Variants in ESRRG observed in about 807,000 individuals in gnomAD.
ESRRG encodes the protein estrogen-related receptor gamma.
In ESRRG, 13 loss-of-function variants were observed where a neutral mutation model predicts 44.0. The ratio of observed to expected loss-of-function variants is 0.30; its 90% confidence interval spans 0.19 to 0.47. The LOEUF (loss-of-function observed/expected upper bound fraction) is 0.47, where lower values mean the gene tolerates loss of function less well. ESRRG is among the 20% of genes least tolerant of loss of function. ESRRG has a pLI of 1.00. For missense variants in ESRRG, 395 were observed against 580.6 expected (o/e 0.68, Z 3.29); for synonymous variants, 215 against 214.6 (o/e 1.00, Z -0.02).
chr1:216,788,355 T>C (rs1285219545), intron 2 of ESRRG, among the ~76,000 whole-genome samples: 1 of 152,058 alleles, frequency 6.6e-6, no homozygotes, highest in African/African-American at 2.4e-5. Flanking sequence ...TTTCTGAAAA[T>C]CCTAGGGCCC....
At chr1:217,117,132 T>C (rs1471217088) in intron 1 of ESRRG, among the ~76,000 whole-genome samples, 1 of 152,126 alleles carries the variant, frequency 6.6e-6, no homozygotes, top group Non-Finnish European at 1.5e-5. Flanking sequence ...CATAATTGGG[T>C]TCAAATCCTG....
At chr1:216,585,490 A>C (rs2063587027) in intron 3 of ESRRG, among the ~76,000 whole-genome samples, 1 of 123,992 alleles carries the variant, frequency 8.1e-6, no homozygotes, top group Admixed American at 9.4e-5. Flanking sequence ...TAAAAGAGTA[A>C]ATAAATCCCA....
chr1:216,826,611 T>C (rs1271668537), intron 2 of ESRRG, among the ~76,000 whole-genome samples: 1 of 152,214 alleles, frequency 6.6e-6, no homozygotes, highest in Non-Finnish European at 1.5e-5. Flanking sequence ...ATTTCATCCC[T>C]ATACTAATAA....
intron 2 of ESRRG, among the ~76,000 whole-genome samples, chr1:216,830,151 T>C (rs989547484): frequency 6.6e-6 from 1 of 152,166 alleles, no homozygotes; most frequent in African/African-American, 2.4e-5. Context: ...ACTTCAAGTG[T>C]TACCAATTCA....
At chr1:216,927,141 A>G (rs999461931) in intron 2 of ESRRG, among the ~76,000 whole-genome samples, 3 of 152,154 alleles carry the variant, frequency 2.0e-5, no homozygotes, top group African/African-American at 4.8e-5. Flanking sequence ...GTAAAATCCA[A>G]TGCTGTTCCT....
intron 6 of ESRRG, among the ~76,000 whole-genome samples, chr1:216,511,502 T>C (rs17042674): frequency 4.1e-4 from 53 of 130,306 alleles, no homozygotes; most frequent in South Asian, 7.2e-4. Flanking sequence ...CAGGGACATT[T>C]ACAGAAAAAC....
intron 1 of ESRRG, among the ~76,000 whole-genome samples, chr1:217,084,780 T>C (rs2091976829): frequency 6.6e-6 from 1 of 152,188 alleles, no homozygotes; most frequent in African/African-American, 2.4e-5. Flanking sequence ...AAATAAAATA[T>C]CTTTGACTCC....
intron 1 of ESRRG, among the ~76,000 whole-genome samples, chr1:216,972,269 T>A (rs993076701): frequency 6.6e-6 from 1 of 152,158 alleles, no homozygotes; most frequent in African/African-American, 2.4e-5. Flanking sequence ...GGAGTTACTG[T>A]CAGAGTTATA....
intron 1 of ESRRG, among the ~76,000 whole-genome samples, chr1:216,942,285 G>T (rs1960901): frequency 0.68 from 103,015 of 152,090 alleles, 36,535 homozygotes; most frequent in Middle Eastern, 0.85. Flanking sequence ...ATATTCTATA[G>T]GTACCACATT....
intron 2 of ESRRG, among the ~76,000 whole-genome samples, chr1:216,871,564 C>T (rs150099373): frequency 5.9e-5 from 9 of 152,006 alleles, no homozygotes; most frequent in Non-Finnish European, 1.2e-4. Context: ...TATTACAGAA[C>T]GAAGAGTTTT....
intron 1 of ESRRG, among the ~76,000 whole-genome samples, chr1:216,684,386 A>C (rs749526041): frequency 1.3e-5 from 2 of 152,212 alleles, no homozygotes; most frequent in Non-Finnish European, 1.5e-5. Flanking sequence ...TTAGTAGTGC[A>C]ACTTATCCTT....
At chr1:216,912,254 A>G (rs1578057583) in intron 2 of ESRRG, among the ~76,000 whole-genome samples, 1 of 47,370 alleles carries the variant, frequency 2.1e-5, no homozygotes, top group African/African-American at 7.5e-5. Context: ...AGGAGAGGAG[A>G]GGAGAGGAGA....
intron 2 of ESRRG, among the ~76,000 whole-genome samples, chr1:216,781,059 A>C (rs2147879221): frequency 6.6e-6 from 1 of 152,192 alleles, no homozygotes; most frequent in Non-Finnish European, 1.5e-5. Context: ...AACCCAAGTT[A>C]AAATTAATAA....
At position 216,664,534 on chromosome 1, in the gene ESRRG, G is replaced by A. The variant is rs184332856; in HGVS notation, c.472+12542C>T. ...CATTAAGCTCAGGAATCTTAAGACA[G>A]CTATGTACATTATCCATATATATAA... On this transcript the variant is annotated intron_variant, in intron 2 of 6. Transcript: ENST00000408911. 8.0e-3 allele frequency among the ~76,000 whole-genome samples: 1,200 copies of A among 150,686 alleles called. 8 individuals carry two copies. Among genetic ancestry groups the A allele is most frequent in the Non-Finnish European group, 0.011 (768 of 67,732 alleles).
intron 2 of ESRRG, among the ~76,000 whole-genome samples, chr1:216,928,637 G>T (rs1444938722): frequency 6.6e-6 from 1 of 151,978 alleles, no homozygotes; most frequent in African/African-American, 2.4e-5. Context: ...CATCACCCAG[G>T]TTACTAGATT....
chr1:217,013,601 T>C lies in ESRRG; in HGVS notation c.-105-73928A>G, dbSNP rs149000720. Among the ~76,000 whole-genome samples, 99 of 152,308 alleles carry C rather than the reference T, an allele frequency of 6.5e-4. 1 individual carries two copies. The Middle Eastern group carries it at 0.01, about 16-fold the overall frequency. On this transcript the variant is annotated intron_variant, in intron 1 of 7. Coordinates refer to the ESRRG transcript ENST00000359162. ...CACAGAAAAGAGAGGTTAAGACCTATCACTTACCCCTGAAGTGTGACATTA... is the reference window on the plus strand; with the variant it reads ...CACAGAAAAGAGAGGTTAAGACCTACCACTTACCCCTGAAGTGTGACATTA...
At chr1:216,936,267 AAAC>A (rs998816257) in intron 2 of ESRRG, among the ~76,000 whole-genome samples, 3 of 152,196 alleles carry the variant, frequency 2.0e-5, no homozygotes, top group African/African-American at 4.8e-5. Context: ...TGTGTCCAAG[AAAC>A]AACAATATGG....
chr1:217,014,283 C>T (rs2079038043), intron 1 of ESRRG, among the ~76,000 whole-genome samples: 1 of 151,984 alleles, frequency 6.6e-6, no homozygotes, highest in African/African-American at 2.4e-5. Flanking sequence ...GCTGTCATTG[C>T]AGAGACTAAG....
intron 1 of ESRRG, among the ~76,000 whole-genome samples, chr1:216,947,235 G>A (rs1486596965): frequency 1.3e-5 from 2 of 152,106 alleles, no homozygotes; most frequent in Non-Finnish European, 2.9e-5. Flanking sequence ...TCTTTGGAAA[G>A]TGGTTCTAGG....
Sources: gnomAD v4.1 joint callset for allele counts (sites outside exome capture counted in the v4.1 genomes callset) on GRCh38, gnomAD v4.1.1 for gene constraint, MANE v1.5 for transcripts, NCBI Gene and HGNC (gene_info 2026-07-23, HGNC 2026-07-21) for gene names.